The following SYTL3 variants were observed in gnomAD, a reference collection of about 807,000 sequenced individuals.
The protein encoded by SYTL3 is synaptotagmin-like protein 3.
Under a neutral mutation model 82.1 loss-of-function variants are expected in SYTL3, and 88 were observed. That is an observed-to-expected ratio of 1.07 (90% CI 0.90 to 1.28). The LOEUF (loss-of-function observed/expected upper bound fraction) is 1.28, where lower values mean the gene tolerates loss of function less well. Ranked by LOEUF, SYTL3 falls within the 50% of genes most tolerant of loss-of-function variation. The pLI is 0.00. For synonymous variants in SYTL3, 311 were observed against 289.4 expected (o/e 1.07, Z -0.76); for missense variants, 831 against 757.6 (o/e 1.10, Z -1.14).
At chr6:158,749,296 G>A (rs1788056807) in intron 12 of SYTL3, among the ~76,000 whole-genome samples, 1 of 149,238 alleles carries the variant, frequency 6.7e-6, no homozygotes, top group Admixed American at 6.7e-5. Context: ...GGGAGGCTGA[G>A]GTGGGAGAAT....
chr6:158,745,320 G>C (rs1787484090), intron 11 of SYTL3, among the ~76,000 whole-genome samples, 160 bp from the exon 12 acceptor site: 1 of 134,834 alleles, frequency 7.4e-6, no homozygotes, highest in South Asian at 2.4e-4. Context: ...AGAACATGTG[G>C]CAACTTATTT....
At chr6:158,689,028 A>T (rs901341612) in intron 6 of SYTL3, among the ~76,000 whole-genome samples, 10 of 152,238 alleles carry the variant, frequency 6.6e-5, no homozygotes, top group Non-Finnish European at 1.3e-4. Flanking sequence ...TGATGAGTGT[A>T]TCTCACCCCG....
intron 12 of SYTL3, among the ~76,000 whole-genome samples, chr6:158,748,712 G>A (rs1390655384): frequency 6.6e-6 from 1 of 151,840 alleles, no homozygotes. Context: ...GGGCATGGTG[G>A]CAGGCACCTG....
chr6:158,690,314 G>C (rs1413211607), intron 6 of SYTL3, among the ~76,000 whole-genome samples: 2 of 152,236 alleles, frequency 1.3e-5, no homozygotes, highest in African/African-American at 4.8e-5. Flanking sequence ...TCCATTGTCA[G>C]TGCCCAGCAC....
chr6:158,687,465 C>T (rs1037314260), intron 6 of SYTL3, among the ~76,000 whole-genome samples: 2 of 152,196 alleles, frequency 1.3e-5, no homozygotes, highest in Non-Finnish European at 2.9e-5. Flanking sequence ...ATGGGTCCCA[C>T]AGGTCAGCCC....
intron 5 of SYTL3, among the ~76,000 whole-genome samples, chr6:158,671,310 CT>C (rs1395435898): frequency 6.6e-6 from 1 of 152,068 alleles, no homozygotes; most frequent in African/African-American, 2.4e-5. Context: ...AACCGGTGAG[CT>C]TTCTGCGCAT....
intron 14 of SYTL3, among the ~76,000 whole-genome samples, chr6:158,757,757 C>T (rs1359599324): frequency 2.0e-5 from 3 of 152,210 alleles, no homozygotes; most frequent in Admixed American, 6.5e-5. Flanking sequence ...CAGGGGGCTA[C>T]AGTGTGTTGT....
intron 14 of SYTL3, among the ~76,000 whole-genome samples, 175 bp downstream of exon 14, chr6:158,757,556 G>A (rs749987302): frequency 2.0e-5 from 3 of 151,990 alleles, no homozygotes; most frequent in East Asian, 1.9e-4. Flanking sequence ...TGGGGTGGGC[G>A]GAGGGTTTGT....
In SYTL3 at chr6:158,762,432, A is replaced by G. The variant is rs550927913; in HGVS notation, c.1517+254A>G. Reference sequence around the variant, plus strand: ...GAAGCCAGTTTTGAAATCAAGCATGAAAATGTGGTGTGGTCAGTAAATATT... The same window carrying G: ...GAAGCCAGTTTTGAAATCAAGCATGGAAATGTGGTGTGGTCAGTAAATATT... On this transcript the variant is annotated intron_variant, in intron 16 of 17. Transcript: ENST00000611299. Among the ~76,000 whole-genome samples, 3 of 152,250 alleles carry G rather than the reference A, an allele frequency of 2.0e-5. No individual in the cohort carries two copies. In the South Asian group the frequency reaches 6.2e-4, roughly 32 times the overall value.
At chr6:158,733,797 C>T (rs1583417821) in intron 11 of SYTL3, among the ~76,000 whole-genome samples, 1 of 151,880 alleles carries the variant, frequency 6.6e-6, no homozygotes, top group East Asian at 2.0e-4. Flanking sequence ...ATTGTTCCAT[C>T]TCCAAGAAGC....
intron 6 of SYTL3, among the ~76,000 whole-genome samples, chr6:158,689,497 A>G (rs968028358): frequency 1.3e-5 from 2 of 152,162 alleles, no homozygotes; most frequent in African/African-American, 4.8e-5. Flanking sequence ...GGCCTTCTTT[A>G]TAATTTTGTT....
At chr6:158,691,080 C>T (rs1248996480) in intron 6 of SYTL3, among the ~76,000 whole-genome samples, 1 of 152,168 alleles carries the variant, frequency 6.6e-6, no homozygotes, top group Non-Finnish European at 1.5e-5. Context: ...AGGGCGGTGG[C>T]TCATGCCTGT....
At position 158,663,375 on chromosome 6, in the gene SYTL3, C is replaced by T. The variant is rs377730182; in HGVS notation, c.107C>T (p.Thr36Ile). ...GTTCAAAACACAGAGGAGGAGAGGA[C>T]ACGGTAGGCTGCCCTTCCCGGGGGG... ...QAVQNTEEER[T>I]RKLKTHLQHL... Residue 36 changes from threonine to isoleucine, a missense_variant, in exon 4 of 18, where the codon ACA becomes ATA. Coordinates refer to ENST00000611299, the MANE Select transcript of SYTL3 (RefSeq NM_001242394.2). 2 of 1,613,406 alleles carry T rather than the reference C, an allele frequency of 1.2e-6. No individual in the cohort carries two copies.
In SYTL3 at chr6:158,713,879, G is replaced by C. The variant is rs1316726857; in HGVS notation, c.595+1G>C. Reference sequence around the variant, plus strand: ...CTGTCTCTTGCTACCCACGTGAAAAGTAAGTGCATGCTTCATGATGTGTTT... The same window carrying C: ...CTGTCTCTTGCTACCCACGTGAAAACTAAGTGCATGCTTCATGATGTGTTT... On this transcript the variant is annotated splice_donor_variant, in intron 9 of 17. Transcript: ENST00000611299. LOFTEE classifies it high-confidence loss of function. 1.3e-6 allele frequency: 2 copies of C among 1,516,510 alleles called. No homozygotes were observed. The highest frequency in any genetic ancestry group is 2.4e-5 in the East Asian group (1 of 40,910). 93.9% of individuals were successfully genotyped at this position (1,516,510 alleles called of 1,614,324 possible). A position where few individuals can be genotyped will look rare whatever the true frequency, so the allele number is the denominator to read the frequency against.
intron 9 of SYTL3, among the ~76,000 whole-genome samples, chr6:158,714,356 A>T (rs1384746733): frequency 6.6e-6 from 1 of 152,100 alleles, no homozygotes; most frequent in Admixed American, 6.5e-5. Flanking sequence ...CGTCTCAAAA[A>T]AGAAAAAGAA....
At position 158,752,075 on chromosome 6, in the gene SYTL3, G is replaced by A. The variant is rs902694858; in HGVS notation, c.1137+45G>A. 20 of 1,440,738 alleles carry A rather than the reference G, an allele frequency of 1.4e-5. No individual in the cohort carries two copies. In the East Asian group the frequency reaches 1.8e-4, roughly 13 times the overall value. 89.2% of individuals were successfully genotyped at this position (1,440,738 alleles called of 1,614,324 possible). ...TCCTGTGCAGAGTCCTCCCGAGCCC[G>A]GGTGGAGCGCCTGGGGCAGAGTCCA... is the stretch of plus-strand genomic sequence containing the variant. On this transcript the variant is annotated intron_variant, in intron 13 of 17. Coordinates refer to ENST00000611299, the MANE Select transcript of SYTL3 (RefSeq NM_001242394.2).
rs192927226 is a variant in SYTL3, at chr6:158,760,473, C to T, written c.1309-167C>T. On this transcript the variant is annotated intron_variant, in intron 14 of 17. Transcript: ENST00000611299. ...GGGTTGGGGAGGGTGGGAGTGAAAC[C>T]ATAGATGGAAGGAAGACCAGTCCTG... Among the ~76,000 whole-genome samples the T allele has an allele frequency of 4.5e-3, 691 of 152,146 alleles. 13 individuals carry two copies. Among genetic ancestry groups the T allele is most frequent in the Non-Finnish European group, 3.6e-3 (242 of 67,982 alleles).
rs1187157910 is a variant in SYTL3, at chr6:158,672,582, C to A, written c.329+6969C>A. 2.1e-5 allele frequency among the ~76,000 whole-genome samples: 3 copies of A among 146,306 alleles called. No homozygotes were observed. In the East Asian group the frequency reaches 6.1e-4, roughly 30 times the overall value. On this transcript the variant is annotated intron_variant, in intron 5 of 17. Coordinates refer to ENST00000611299, the MANE Select transcript of SYTL3 (RefSeq NM_001242394.2). ...TTTTTTTTTTTTTTGGCAGAGACTG[C>A]AGCCTTATTCTCTTTTAAAACTTTT... is the stretch of plus-strand genomic sequence containing the variant.
At chr6:158,762,385 C>T (rs367576523) in intron 16 of SYTL3, among the ~76,000 whole-genome samples, 33 of 152,178 alleles carry the variant, frequency 2.2e-4, no homozygotes, top group African/African-American at 7.5e-4. Context: ...AAACCCTAAT[C>T]TTCTCAGTTC....
Sources: allele counts gnomAD v4.1 joint callset (sites outside exome capture counted in the v4.1 genomes callset), GRCh38; gene constraint gnomAD v4.1.1; transcripts MANE v1.5; gene names NCBI Gene and HGNC (gene_info 2026-07-23, HGNC 2026-07-21).